SNX19: variants seen among roughly 807,000 people sequenced by gnomAD.
SNX19 encodes sorting nexin 19, also known as sorting nexin-19.
In SNX19, 60 loss-of-function variants were observed where a neutral mutation model predicts 85.2. The observed-to-expected ratio is 0.70, with a 90% CI of 0.57 to 0.87. The LOEUF (loss-of-function observed/expected upper bound fraction) is 0.87. Ranked by LOEUF, SNX19 falls within the 40% of genes least tolerant of loss-of-function variation. SNX19 has a pLI of 0.00. For synonymous variants in SNX19, 520 were observed against 470.0 expected (o/e 1.11, Z -1.38); for missense variants, 1,201 against 1,217.8 (o/e 0.99, Z 0.21).
chr11:130,892,776 A>G (rs1944585763), intron 8 of SNX19: 1 of 152,246 alleles, frequency 6.6e-6, no homozygotes, highest in Non-Finnish European at 1.5e-5. Context: ...TGCAGAGACT[A>G]TAGGATCCAA....
Position 130,875,787 on chromosome 11 carries a change from T to C in SNX19, c.*2635A>G, listed in dbSNP as rs1158517492. On this transcript the variant is annotated 3_prime_UTR_variant, in exon 11 of 11. Coordinates refer to ENST00000265909, the MANE Select transcript of SNX19 (RefSeq NM_014758.3). ...GCAGCACACCAACACGGCACATGTA[T>C]ACATATGCAACAAACCTGCATGTTG... 1 of 152,162 alleles carries C rather than the reference T, an allele frequency of 6.6e-6. No homozygotes were observed. Among genetic ancestry groups the C allele is most frequent in the Non-Finnish European group, 1.5e-5 (1 of 68,030 alleles). The allele number at this position is 152,162 out of a possible 1,614,324, so 9.4% of individuals were successfully genotyped here. A position where few individuals can be genotyped will look rare whatever the true frequency, so the allele number is the denominator to read the frequency against.
chr11:130,893,636 T>G (rs911242104), intron 8 of SNX19: 2 of 597,776 alleles, frequency 3.3e-6, no homozygotes, highest in African/African-American at 3.7e-5. Flanking sequence ...AACTCCAGAA[T>G]CTCCACAGAA....
chr11:130,896,331 G>A (rs1479191423), intron 8 of SNX19, among the ~76,000 whole-genome samples: 1 of 152,218 alleles, frequency 6.6e-6, no homozygotes, highest in Non-Finnish European at 1.5e-5. Context: ...TTTCCTGATT[G>A]TGAATAGCAT....
intron 8 of SNX19, among the ~76,000 whole-genome samples, chr11:130,883,714 C>T (rs1364633100): frequency 6.6e-5 from 10 of 152,190 alleles, no homozygotes; most frequent in African/African-American, 2.4e-4. Context: ...CCTTTGGGCT[C>T]AGCATGGTCT....
intron 5 of SNX19, 53 bp from the exon 6 acceptor site, chr11:130,906,774 C>T: frequency 8.0e-7 from 1 of 1,243,876 alleles, no homozygotes; most frequent in Non-Finnish European, 1.2e-6. Context: ...CCTTGAGCCT[C>T]ACACTAAGGG....
chr11:130,910,064 C>A lies in SNX19; in HGVS notation c.1988G>T (p.Arg663Leu). 2 of 1,614,088 alleles carry A rather than the reference C, an allele frequency of 1.2e-6. No homozygotes were observed. Among genetic ancestry groups the A allele is most frequent in the Non-Finnish European group, 1.7e-6 (2 of 1,180,030 alleles). The part of the protein sequence containing the change: ...QEFLALNTDA[R>L]IAFVKKPFMV... ...AAATGGTTTCTTGACAAAGGCAATACGAGCATCTGTGTTCAGAGCAAGGAA... is the reference window on the plus strand; with the variant it reads ...AAATGGTTTCTTGACAAAGGCAATAAGAGCATCTGTGTTCAGAGCAAGGAA... The change falls in exon 4 of 11, where the codon CGT (arginine) becomes CTT (leucine). Residue 663 changes from arginine to leucine, a missense_variant. Coordinates refer to ENST00000265909, the MANE Select transcript of SNX19 (RefSeq NM_014758.3).
rs565462705 is a variant in SNX19 at position 130,905,657 on chromosome 11, T to C, written c.2443+296A>G. ...TTCTAAGAAATGCAAGAGTCTGATA[T>C]GCCAAAGCATGCCAAAAATAAGTTT... On this transcript the variant is annotated intron_variant, in intron 7 of 10. Coordinates refer to ENST00000265909, the MANE Select transcript of SNX19 (RefSeq NM_014758.3). 2.7e-5 allele frequency: 40 copies of C among 1,495,678 alleles called. No individual in the cohort carries two copies. In the East Asian group the frequency reaches 7.9e-4, roughly 30 times the overall value. The allele number at this position is 1,495,678 out of a possible 1,614,324, so 92.7% of individuals were successfully genotyped here.
At chr11:130,912,620 A>C (rs1946218264) in intron 1 of SNX19, among the ~76,000 whole-genome samples, 1 of 152,132 alleles carries the variant, frequency 6.6e-6, no homozygotes, top group African/African-American at 2.4e-5. Context: ...GGTGGAAAAA[A>C]CTACCTCCTC....
At position 130,889,886 on chromosome 11, in the gene SNX19, C is replaced by T. The variant is rs1944378864; in HGVS notation, c.2574-9080G>A. Reference sequence around the variant, plus strand: ...AGCTACAAGGTTAGCTATTCATTCTCTGTTTTCATTTTTCTTCTAAAGAAA... The same window carrying T: ...AGCTACAAGGTTAGCTATTCATTCTTTGTTTTCATTTTTCTTCTAAAGAAA... On this transcript the variant is annotated intron_variant, in intron 8 of 10. Transcript: ENST00000265909. Among the ~76,000 whole-genome samples the T allele has an allele frequency of 1.3e-5, 2 of 152,152 alleles. 1 individual carries two copies. Among genetic ancestry groups the T allele is most frequent in the South Asian group, 4.1e-4 (2 of 4,828 alleles).
chr11:130,872,463 T>C lies in SNX19; in HGVS notation c.*5959A>G, dbSNP rs1943064615. 6.6e-6 allele frequency among the ~76,000 whole-genome samples: 1 copy of C among 152,166 alleles called. No homozygotes were observed. Among genetic ancestry groups the C allele is most frequent in the African/African-American group, 2.4e-5 (1 of 41,438 alleles). On this transcript the variant is annotated 3_prime_UTR_variant, in exon 11 of 11. Coordinates refer to ENST00000265909, the MANE Select transcript of SNX19 (RefSeq NM_014758.3). ...AACATTCTTCTGGATTTCCTTTTTTTTTTTCTCTCTTAAACCAGTCAATGT... is the reference window on the plus strand; with the variant it reads ...AACATTCTTCTGGATTTCCTTTTTTCTTTTCTCTCTTAAACCAGTCAATGT...
intron 9 of SNX19, 70 bp downstream of exon 9, chr11:130,880,552 G>C: frequency 7.2e-7 from 1 of 1,393,162 alleles, no homozygotes; most frequent in Non-Finnish European, 9.8e-7. Flanking sequence ...AAAAGGTGCA[G>C]GGGTAATGGT....
rs111719574 is a variant in SNX19 at position 130,880,765 on chromosome 11, C to A, written c.2615G>T (p.Arg872Leu). 8 of 1,587,100 alleles carry A rather than the reference C, an allele frequency of 5.0e-6. No homozygotes were observed. The highest frequency in any genetic ancestry group is 1.7e-4 in the Middle Eastern group (1 of 5,966). ...VQVANLTSPQ[R>L]WVQYLLLLQE... is the part of the protein sequence containing the mutation. ...AAGAAGCAGGAGGTACTGCACCCAG[C>A]GCTGTGGACTTGTTAAATTAGCTAC... The change falls in exon 9 of 11, where the codon CGC becomes CTC. Residue 872 changes from arginine to leucine, a missense_variant. Transcript: ENST00000265909.
rs1943233984 is a variant in SNX19, at chr11:130,876,124, A to G, written c.*2298T>C. On this transcript the variant is annotated 3_prime_UTR_variant, in exon 11 of 11. Transcript: ENST00000265909. ...TCAAAATTCTGACTTAAATGAATAA[A>G]ATTTAGTCACGAGTAAATACAAAAA... The G allele has an allele frequency of 6.6e-6, 1 of 152,198 alleles. No homozygotes were observed. Among genetic ancestry groups the G allele is most frequent in the African/African-American group, 2.4e-5 (1 of 41,460 alleles). 9.4% of individuals were successfully genotyped at this position (152,198 alleles called of 1,614,324 possible). A position where few individuals can be genotyped will look rare whatever the true frequency, so the allele number is the denominator to read the frequency against.
chr11:130,889,384 C>A (rs757091379), intron 8 of SNX19, among the ~76,000 whole-genome samples: 12 of 151,878 alleles, frequency 7.9e-5, no homozygotes, highest in Non-Finnish European at 1.8e-4. Context: ...CTTGTAAATG[C>A]CCCCCGACCC....
chr11:130,903,968 T>C (rs1415699873), intron 7 of SNX19, among the ~76,000 whole-genome samples: 1 of 152,092 alleles, frequency 6.6e-6, no homozygotes, highest in Non-Finnish European at 1.5e-5. Flanking sequence ...AAAACCTCCA[T>C]TACACAGAGC....
Position 130,868,937 on chromosome 11 carries a change from G to C in SNX19, c.*9485C>G, listed in dbSNP as rs1019915505. On this transcript the variant is annotated 3_prime_UTR_variant, in exon 11 of 11. Coordinates refer to ENST00000265909, the MANE Select transcript of SNX19 (RefSeq NM_014758.3). Reference sequence around the variant, plus strand: ...TCACTGCCACAAGAAGGTTGCCAACGTCATTTATGGATCAGCAACTGCTTG... The same window carrying C: ...TCACTGCCACAAGAAGGTTGCCAACCTCATTTATGGATCAGCAACTGCTTG... The C allele has an allele frequency of 1.3e-5, 2 of 152,328 alleles. No individual in the cohort carries two copies. The highest frequency in any genetic ancestry group is 4.1e-4 in the South Asian group (2 of 4,828). 9.4% of individuals were successfully genotyped at this position (152,328 alleles called of 1,614,324 possible).
intron 8 of SNX19, among the ~76,000 whole-genome samples, chr11:130,888,077 C>CTAAG (rs945668067): frequency 6.7e-6 from 1 of 148,576 alleles, no homozygotes; most frequent in Non-Finnish European, 1.5e-5. Flanking sequence ...AGCTAAAATC[C>CTAAG]TAAGTCCACA....
chr11:130,914,541 C>G lies in SNX19; in HGVS notation c.1399G>C (p.Ala467Pro), dbSNP rs1267127180. 1 of 1,614,008 alleles carries G rather than the reference C, an allele frequency of 6.2e-7. No individual in the cohort carries two copies. Among genetic ancestry groups the G allele is most frequent in the Admixed American group, 1.7e-5 (1 of 60,018 alleles). Residue 467 changes from alanine to proline, a missense_variant, in exon 1 of 11, where the codon GCT becomes CCT. Ala to Pro is a conservative substitution (Grantham distance 27, BLOSUM62 -1). Around this residue, in one of 3 missense-constraint regions of SNX19, gnomAD observed 791 missense variants for 750.9 expected, o/e 1.05. Transcript: ENST00000265909. ...EQGDVTASVT[A>P]LLEGPEKTCP... Reference sequence around the variant, plus strand: ...GTCTTTTCTGGCCCCTCCAGCAAAGCTGTAACAGAGGCGGTAACATCTCCT... The same window carrying G: ...GTCTTTTCTGGCCCCTCCAGCAAAGGTGTAACAGAGGCGGTAACATCTCCT...
chr11:130,906,064 G>A lies in SNX19; in HGVS notation c.2332C>T (p.Gln778Ter), dbSNP rs746251895. 3.1e-6 allele frequency: 5 copies of A among 1,614,046 alleles called. No homozygotes were observed. Among genetic ancestry groups the A allele is most frequent in the African/African-American group, 1.3e-5 (1 of 74,910 alleles). Reference protein sequence around the residue: ...IEKQTKLLEMQPTKAPEKDPE... With the variant: ...IEKQTKLLEM The stretch of plus-strand genomic sequence containing the variant: ...TCTTTTTCTGGGGCTTTTGTTGGCT[G>A]CATTTCCAGTAACTTTGTCTGTTTT... Residue 778 changes from glutamine to a stop codon, truncating the protein, a stop_gained, in exon 7 of 11, where the codon CAG becomes TAG. Coordinates refer to ENST00000265909, the MANE Select transcript of SNX19 (RefSeq NM_014758.3). LOFTEE classifies it high-confidence loss of function.
Sources: gnomAD v4.1 joint callset for allele counts (sites outside exome capture counted in the v4.1 genomes callset) on GRCh38, gnomAD v4.1.1 for gene constraint, gnomAD v4.1.1 regional missense constraint, MANE v1.5 for transcripts, NCBI Gene and HGNC (gene_info 2026-07-23, HGNC 2026-07-21) for gene names.